The following ZDHHC11 variants were observed in gnomAD, a reference collection of about 807,000 sequenced individuals.
ZDHHC11 encodes zDHHC palmitoyltransferase 11.
Under a neutral mutation model 51.3 loss-of-function variants are expected in ZDHHC11, and 44 were observed. That is an observed-to-expected ratio of 0.86 (90% CI 0.67 to 1.10). The LOEUF (loss-of-function observed/expected upper bound fraction) is 1.10. ZDHHC11 is among the 50% of genes least tolerant of loss of function. ZDHHC11 has a pLI of 0.00. For synonymous variants in ZDHHC11, 163 were observed against 222.0 expected (o/e 0.73, Z 2.36); for missense variants, 400 against 537.7 (o/e 0.74, Z 2.53).
intron 8 of ZDHHC11, among the ~76,000 whole-genome samples, chr5:824,416 C>T (rs909316936): frequency 3.3e-5 from 5 of 151,372 alleles, no homozygotes; most frequent in African/African-American, 1.2e-4. Context: ...AGCCATTATC[C>T]CACCACTGCA....
upstream of ZDHHC11, among the ~76,000 whole-genome samples, chr5:851,345 G>A (rs1221785798): frequency 6.6e-6 from 1 of 151,766 alleles, no homozygotes; most frequent in Non-Finnish European, 1.5e-5. Flanking sequence ...GGGGAGGGCG[G>A]CAGGGGTGGG....
chr5:802,946 G>T (rs941362899), intron 11 of ZDHHC11, among the ~76,000 whole-genome samples: 16 of 148,322 alleles, frequency 1.1e-4, no homozygotes, highest in Admixed American at 3.3e-4. Context: ...GTGTGAACCT[G>T]GGAGGTGGAG....
chr5:853,319 C>G (rs112866955), upstream of ZDHHC11, among the ~76,000 whole-genome samples: 3 of 138,148 alleles, frequency 2.2e-5, no homozygotes, highest in South Asian at 4.8e-4. Flanking sequence ...GACAGCGAGT[C>G]GGGCACAGAC....
chr5:821,928 A>C, intron 8 of ZDHHC11, 33 bp from the exon 9 acceptor site: 2 of 1,582,710 alleles, frequency 1.3e-6, no homozygotes, highest in Non-Finnish European at 1.7e-6. Context: ...TCATAGAATG[A>C]ATTGACATTG....
chr5:824,013 C>G (rs1400123681), intron 8 of ZDHHC11: 1 of 452,670 alleles, frequency 2.2e-6, no homozygotes, highest in African/African-American at 2.0e-5. Context: ...CGCTGTTCCT[C>G]CAGGCTGGGC....
At chr5:823,929 A>G in intron 8 of ZDHHC11, 1 of 393,358 alleles carries the variant, frequency 2.5e-6, no homozygotes, top group Non-Finnish European at 5.2e-6. Context: ...TGGGGGCTCA[A>G]TCGATTTCCA....
intron 8 of ZDHHC11, among the ~76,000 whole-genome samples, chr5:823,168 T>C (rs1741782609): frequency 6.6e-6 from 1 of 151,224 alleles, no homozygotes; most frequent in Admixed American, 6.6e-5. Flanking sequence ...AATAGTGTTT[T>C]TGGTATCTAT....
chr5:834,350 G>A (rs1025142014), intron 6 of ZDHHC11, among the ~76,000 whole-genome samples: 5 of 152,286 alleles, frequency 3.3e-5, no homozygotes, highest in African/African-American at 4.8e-5. Flanking sequence ...TTATATGTAT[G>A]TATGTATTTT....
At position 850,662 on chromosome 5, in the gene ZDHHC11, C is replaced by A. The variant is rs1298336770; in HGVS notation, c.-60G>T. The A allele has an allele frequency of 1.3e-6, 2 of 1,589,998 alleles. No homozygotes were observed. The highest frequency in any genetic ancestry group is 2.3e-5 in the South Asian group (2 of 87,888). Reference sequence around the variant, plus strand: ...AGATCCTGGGAGGGCCGGCCCCGCCCACTGTCACAGAGACCAAGGGGACTG... The same window carrying A: ...AGATCCTGGGAGGGCCGGCCCCGCCAACTGTCACAGAGACCAAGGGGACTG... On this transcript the variant is annotated 5_prime_UTR_variant, in exon 1 of 13. Coordinates refer to ENST00000283441, the MANE Select transcript of ZDHHC11 (RefSeq NM_024786.3).
At chr5:857,663 C>T (rs1748444838) in intron 1 of ZDHHC11, among the ~76,000 whole-genome samples, 1 of 150,028 alleles carries the variant, frequency 6.7e-6, no homozygotes, top group African/African-American at 2.5e-5. Context: ...CTTTATGACA[C>T]CAGGCCCCTA....
intron 5 of ZDHHC11, among the ~76,000 whole-genome samples, chr5:838,637 G>C (rs1397614917): frequency 1.3e-5 from 2 of 152,158 alleles, no homozygotes; most frequent in Non-Finnish European, 2.9e-5. Context: ...CCTGCCTCCC[G>C]CCCACAGCAG....
chr5:858,335 G>T (rs1748571643), intron 1 of ZDHHC11, among the ~76,000 whole-genome samples: 1 of 149,612 alleles, frequency 6.7e-6, no homozygotes, highest in Admixed American at 6.7e-5. Context: ...CAGGCCCCTA[G>T]AGTCTGTCCT....
chr5:850,654 G>GTT lies in ZDHHC11; in HGVS notation c.-53_-52insAA. 6.3e-7 allele frequency: 1 copy of GTT among 1,588,584 alleles called. No homozygotes were observed. The highest frequency in any genetic ancestry group is 1.5e-5 in the African/African-American group (1 of 66,166). On this transcript the variant is annotated 5_prime_UTR_variant, in exon 1 of 13. It removes the in-frame stop codon of an upstream open reading frame in the 5' UTR. Coordinates refer to ENST00000283441, the MANE Select transcript of ZDHHC11 (RefSeq NM_024786.3). Reference sequence around the variant, plus strand: ...GCGCCGTCAGATCCTGGGAGGGCCGGCCCCGCCCACTGTCACAGAGACCAA... The same window carrying GTT: ...GCGCCGTCAGATCCTGGGAGGGCCGGTTCCCCGCCCACTGTCACAGAGACCAA...
upstream of ZDHHC11, among the ~76,000 whole-genome samples, chr5:851,343 C>T (rs534633730): frequency 8.0e-6 from 1 of 124,482 alleles, no homozygotes; most frequent in African/African-American, 3.0e-5. Flanking sequence ...GTGGGGAGGG[C>T]GGCAGGGGTG....
chr5:853,304 C>T (rs1414956844), upstream of ZDHHC11, among the ~76,000 whole-genome samples: 1 of 139,436 alleles, frequency 7.2e-6, no homozygotes, highest in African/African-American at 2.8e-5. Context: ...ATAGACCCCA[C>T]CGAGGACAGC....
rs1747056586 is a variant in ZDHHC11, at chr5:850,628, T to C, written c.-26A>G. ...CTGCAGGACACAGAAGGGGAGGACCTGCGCCGTCAGATCCTGGGAGGGCCG... is the reference window on the plus strand; with the variant it reads ...CTGCAGGACACAGAAGGGGAGGACCCGCGCCGTCAGATCCTGGGAGGGCCG... On this transcript the variant is annotated 5_prime_UTR_variant, in exon 1 of 13. Transcript: ENST00000283441. 6.2e-7 allele frequency: 1 copy of C among 1,608,812 alleles called. No homozygotes were observed.
intron 7 of ZDHHC11, among the ~76,000 whole-genome samples, chr5:827,394 G>A (rs1474789853): frequency 4.0e-5 from 6 of 151,190 alleles, no homozygotes; most frequent in African/African-American, 1.5e-4. Context: ...TGCTAACACT[G>A]AATGTAAATG....
intron 5 of ZDHHC11, chr5:839,797 C>T (rs1011818400): frequency 5.0e-6 from 1 of 199,974 alleles, no homozygotes; most frequent in Non-Finnish European, 1.0e-5. Context: ...CTGGCCTGGA[C>T]ACACTCTGCT....
intron 6 of ZDHHC11, among the ~76,000 whole-genome samples, chr5:835,674 T>C (rs1743729304): frequency 6.6e-6 from 1 of 152,026 alleles, no homozygotes; most frequent in South Asian, 2.1e-4. Context: ...GGTAAATCTG[T>C]AGATAAGTTT....
Sources: allele counts gnomAD v4.1 joint callset (sites outside exome capture counted in the v4.1 genomes callset), GRCh38; gene constraint gnomAD v4.1.1; transcripts MANE v1.5; gene names NCBI Gene and HGNC (gene_info 2026-07-23, HGNC 2026-07-21).